TRIM67: variants seen among roughly 807,000 people sequenced by gnomAD.
TRIM67 encodes the protein tripartite motif-containing protein 67.
TRIM67 carries 39 observed loss-of-function variants against 71.0 expected under a neutral mutation model. That is an observed-to-expected ratio of 0.55 (90% CI 0.43 to 0.72). The LOEUF is 0.72. TRIM67 is among the 30% of genes least tolerant of loss of function. The pLI, the probability that TRIM67 is intolerant of heterozygous loss-of-function variation, is 0.00. For missense variants in TRIM67, 973 were observed against 1,079.2 expected (o/e 0.90, Z 1.38); for synonymous variants, 481 against 473.9 (o/e 1.01, Z -0.19).
chr1:231,215,698 C>A lies in TRIM67; in HGVS notation c.*258C>A. The A allele has an allele frequency of 8.1e-7, 1 of 1,235,980 alleles. No homozygotes were observed. Among genetic ancestry groups the A allele is most frequent in the Non-Finnish European group, 1.0e-6 (1 of 988,916 alleles). The allele number at this position is 1,235,980 out of a possible 1,614,324, so 76.6% of individuals were successfully genotyped here. On this transcript the variant is annotated 3_prime_UTR_variant, in exon 10 of 10. Transcript: ENST00000366653. The stretch of plus-strand genomic sequence containing the variant: ...ATTCCACCCAGACATTACGAACACT[C>A]CCCAAGAAGGACCTTTCTCAAGGGA...
At position 231,185,938 on chromosome 1, in the gene TRIM67, T is replaced by C. The variant is rs189235263; in HGVS notation, c.1045-11433T>C. 2.2e-5 allele frequency: 15 copies of C among 678,822 alleles called. No individual in the cohort carries two copies. In the African/African-American group the frequency reaches 2.5e-4, roughly 11 times the overall value. The allele number at this position is 678,822 out of a possible 1,614,324, so 42.0% of individuals were successfully genotyped here. A position where few individuals can be genotyped will look rare whatever the true frequency, so the allele number is the denominator to read the frequency against. ...GAGCTAGGACTGGAGATGAGTGTGATAAACGGCCGTGACAGCCGGGACAAG... is the reference window on the plus strand; with the variant it reads ...GAGCTAGGACTGGAGATGAGTGTGACAAACGGCCGTGACAGCCGGGACAAG... On this transcript the variant is annotated intron_variant, in intron 1 of 9. Transcript: ENST00000366653.
chr1:231,166,537 C>A (rs1305561167), intron 1 of TRIM67, among the ~76,000 whole-genome samples: 3 of 85,968 alleles, frequency 3.5e-5, no homozygotes, highest in Non-Finnish European at 6.9e-5. Context: ...AACATGAAGT[C>A]TCTGGATTTT....
Position 231,216,243 on chromosome 1 carries a change from CCT to C in TRIM67, c.*806_*807del, listed in dbSNP as rs1684010736. 1 of 969,156 alleles carries C rather than the reference CCT, an allele frequency of 1.0e-6. No homozygotes were observed. Among genetic ancestry groups the C allele is most frequent in the African/African-American group, 1.8e-5 (1 of 56,710 alleles). The allele number at this position is 969,156 out of a possible 1,614,324, so 60.0% of individuals were successfully genotyped here. A position where few individuals can be genotyped will look rare whatever the true frequency, so the allele number is the denominator to read the frequency against. ...TCTCTCTTACTTTCCTCCATCCCTG[CCT>C]CTTTCTTCCCTCTTTCGCTCTCTTT... is the stretch of plus-strand genomic sequence containing the variant. On this transcript the variant is annotated 3_prime_UTR_variant, in exon 10 of 10. Transcript: ENST00000366653.
Position 231,218,040 on chromosome 1 carries a change from C to A in TRIM67, c.*2600C>A, listed in dbSNP as rs879838403. 2.4e-5 allele frequency: 28 copies of A among 1,175,926 alleles called. No individual in the cohort carries two copies. The highest frequency in any genetic ancestry group is 3.0e-5 in the Non-Finnish European group (28 of 933,566). 72.8% of individuals were successfully genotyped at this position (1,175,926 alleles called of 1,614,324 possible). A position where few individuals can be genotyped will look rare whatever the true frequency, so the allele number is the denominator to read the frequency against. The stretch of plus-strand genomic sequence containing the variant: ...ACAGCATCCAGCTCTCCTTCACAGA[C>A]ACCTCTCCTGTCTTCAGCACAAAAC... On this transcript the variant is annotated 3_prime_UTR_variant, in exon 10 of 10. Transcript: ENST00000366653.
chr1:231,171,978 C>T (rs1558290762), intron 1 of TRIM67, among the ~76,000 whole-genome samples: 1 of 152,090 alleles, frequency 6.6e-6, no homozygotes, highest in Non-Finnish European at 1.5e-5. Flanking sequence ...TGCCTGTAGT[C>T]CCAGCTACTC....
At chr1:231,201,332 C>T in intron 4 of TRIM67, 26 bp from the exon 5 acceptor site, 1 of 1,602,730 alleles carries the variant, frequency 6.2e-7, no homozygotes. Flanking sequence ...CAAAGCAAAA[C>T]CTTAAACTCT....
intron 1 of TRIM67, among the ~76,000 whole-genome samples, chr1:231,182,431 G>T (rs1387595845): frequency 6.6e-6 from 1 of 152,020 alleles, no homozygotes; most frequent in Non-Finnish European, 1.5e-5. Context: ...GTAAATACAC[G>T]ATTACAGTAG....
At chr1:231,211,869 T>C (rs1683881486) in intron 8 of TRIM67, among the ~76,000 whole-genome samples, 1 of 151,994 alleles carries the variant, frequency 6.6e-6, no homozygotes, top group Non-Finnish European at 1.5e-5. Flanking sequence ...AGCCCAGGAG[T>C]CCAAGACCAG....
chr1:231,218,137 A>G lies in TRIM67; in HGVS notation c.*2697A>G. ...CACTTGTGTTTTTGAGGGATCAGAA[A>G]AGTGAAGAAGGAACTTATCAATTCC... On this transcript the variant is annotated 3_prime_UTR_variant, in exon 10 of 10. Coordinates refer to ENST00000366653, the MANE Select transcript of TRIM67 (RefSeq NM_001004342.5). The G allele has an allele frequency of 9.5e-7, 1 of 1,051,354 alleles. No individual in the cohort carries two copies. The highest frequency in any genetic ancestry group is 3.2e-5 in the South Asian group (1 of 30,910). 65.1% of individuals were successfully genotyped at this position (1,051,354 alleles called of 1,614,324 possible). A position where few individuals can be genotyped will look rare whatever the true frequency, so the allele number is the denominator to read the frequency against.
At chr1:231,189,561 G>T (rs556739759) in intron 1 of TRIM67, among the ~76,000 whole-genome samples, 4 of 152,134 alleles carry the variant, frequency 2.6e-5, no homozygotes, top group Non-Finnish European at 4.4e-5. Flanking sequence ...TAGACAGGGG[G>T]GTTGATAAAC....
rs758172825 is a variant in TRIM67 at position 231,204,017 on chromosome 1, G to A, written c.1680+5G>A. 1.7e-5 allele frequency: 28 copies of A among 1,613,792 alleles called. No individual in the cohort carries two copies. The highest frequency in any genetic ancestry group is 2.3e-5 in the Non-Finnish European group (27 of 1,179,794). On this transcript the variant is annotated splice_donor_5th_base_variant and intron_variant, in intron 6 of 9. Transcript: ENST00000366653. ...GGTGCCGGGGGACAGTTCCGGGTGA[G>A]GCCTTGCTGCTTATTTGGCGGGGAT...
intron 1 of TRIM67, among the ~76,000 whole-genome samples, chr1:231,175,332 G>A (rs767949542): frequency 8.5e-5 from 13 of 152,206 alleles, no homozygotes; most frequent in Non-Finnish European, 1.5e-4. Flanking sequence ...CACACCAAAG[G>A]CAGGAAGACC....
intron 1 of TRIM67, among the ~76,000 whole-genome samples, chr1:231,190,745 G>A (rs1683209092): frequency 6.6e-6 from 1 of 152,198 alleles, no homozygotes; most frequent in Admixed American, 6.5e-5. Flanking sequence ...GATCCTGGGA[G>A]CGGACTGGGA....
At chr1:231,210,088 C>T (rs932167081) in intron 8 of TRIM67, among the ~76,000 whole-genome samples, 3 of 152,184 alleles carry the variant, frequency 2.0e-5, no homozygotes, top group Non-Finnish European at 4.4e-5. Flanking sequence ...TGGGGATGGA[C>T]GTGGGGGTGA....
At position 231,217,119 on chromosome 1, in the gene TRIM67, A is replaced by C; in HGVS notation, c.*1679A>C. 1.0e-6 allele frequency: 1 copy of C among 985,244 alleles called. No homozygotes were observed. The highest frequency in any genetic ancestry group is 1.2e-6 in the Non-Finnish European group (1 of 829,880). The allele number at this position is 985,244 out of a possible 1,614,324, so 61.0% of individuals were successfully genotyped here. ...GGAGCCATGCAGGTACCCCCCCTCC[A>C]CTCAGCAGGCCCGACAATCCTACCT... On this transcript the variant is annotated 3_prime_UTR_variant, in exon 10 of 10. Coordinates refer to ENST00000366653, the MANE Select transcript of TRIM67 (RefSeq NM_001004342.5).
chr1:231,202,246 A>T (rs1223494224), intron 5 of TRIM67, among the ~76,000 whole-genome samples: 3 of 2,178 alleles, frequency 1.4e-3, no homozygotes, highest in Admixed American at 0.011. Flanking sequence ...GAGGGGGGGT[A>T]GTGGAGAAGG....
In TRIM67 at chr1:231,219,133, T is replaced by C. The variant is rs1684082531; in HGVS notation, c.*3693T>C. On this transcript the variant is annotated 3_prime_UTR_variant, in exon 10 of 10. Coordinates refer to ENST00000366653, the MANE Select transcript of TRIM67 (RefSeq NM_001004342.5). ...GGTCAATCCTTAGGGGGAGTCAACA[T>C]GTGAATGCTAAAGAACACTGCTGCA... is the stretch of plus-strand genomic sequence containing the variant. The C allele has an allele frequency of 2.0e-6, 2 of 985,236 alleles. No homozygotes were observed. The highest frequency in any genetic ancestry group is 1.1e-4 in the East Asian group (1 of 8,812). The allele number at this position is 985,236 out of a possible 1,614,324, so 61.0% of individuals were successfully genotyped here.
intron 5 of TRIM67, 83 bp from the exon 6 acceptor site, chr1:231,203,784 C>A (rs1683616959): frequency 1.3e-6 from 2 of 1,513,656 alleles, no homozygotes; most frequent in Non-Finnish European, 1.8e-6. Flanking sequence ...GAGGCCAGGA[C>A]CCCTGGGATG....
chr1:231,171,056 G>A (rs59174286), intron 1 of TRIM67, among the ~76,000 whole-genome samples: 5,958 of 152,254 alleles, frequency 0.039, 197 homozygotes, highest in African/African-American at 0.09. Context: ...ACTTTGAAAT[G>A]CCCTAATGGG....
Sources: allele counts gnomAD v4.1 joint callset (sites outside exome capture counted in the v4.1 genomes callset), GRCh38; gene constraint gnomAD v4.1.1; transcripts MANE v1.5; gene names NCBI Gene and HGNC (gene_info 2026-07-23, HGNC 2026-07-21).